Variants in ASTN1 observed in about 807,000 individuals in gnomAD.
The protein encoded by ASTN1 is astrotactin 1, also known as astrotactin-1.
A neutral mutation model predicts 140.7 loss-of-function variants in ASTN1; 41 were observed. That is an observed-to-expected ratio of 0.29 (90% CI 0.23 to 0.38). ASTN1 has a LOEUF of 0.38. Among genes scored for constraint, ASTN1 ranks in the 10% least tolerant of loss-of-function variants. The pLI, the probability that ASTN1 is intolerant of heterozygous loss-of-function variation, is 1.00. For synonymous variants in ASTN1, 640 were observed against 652.2 expected (o/e 0.98, Z 0.29); for missense variants, 1,479 against 1,678.8 (o/e 0.88, Z 2.08).
At chr1:176,931,662 C>A (rs1671209452) in intron 16 of ASTN1, among the ~76,000 whole-genome samples, 1 of 152,076 alleles carries the variant, frequency 6.6e-6, no homozygotes, top group South Asian at 2.1e-4. Flanking sequence ...CTCAGTCAGG[C>A]ATAACTAAAG....
chr1:176,991,039 C>T (rs1203994200), intron 8 of ASTN1, among the ~76,000 whole-genome samples: 1 of 152,290 alleles, frequency 6.6e-6, no homozygotes, highest in East Asian at 1.9e-4. Flanking sequence ...CATAATTAGC[C>T]TCGCTGCTCT....
At chr1:177,047,816 A>T (rs1255764747) in intron 2 of ASTN1, among the ~76,000 whole-genome samples, 1 of 152,230 alleles carries the variant, frequency 6.6e-6, no homozygotes, top group Non-Finnish European at 1.5e-5. Flanking sequence ...AAGTGGAAAC[A>T]TGGGTAATAA....
intron 21 of ASTN1, among the ~76,000 whole-genome samples, chr1:176,872,975 T>C (rs1388960219): frequency 6.6e-6 from 1 of 152,238 alleles, no homozygotes; most frequent in Non-Finnish European, 1.5e-5. Flanking sequence ...TACTAAGATA[T>C]AAGCTCCATG....
intron 8 of ASTN1, among the ~76,000 whole-genome samples, chr1:177,009,225 C>T (rs1350488206): frequency 1.3e-5 from 2 of 152,136 alleles, no homozygotes; most frequent in East Asian, 3.9e-4. Flanking sequence ...CAGGAGAAGT[C>T]AGGATTGATT....
At chr1:177,118,254 A>T (rs1026069667) in intron 1 of ASTN1, among the ~76,000 whole-genome samples, 3 of 152,200 alleles carry the variant, frequency 2.0e-5, no homozygotes, top group African/African-American at 7.2e-5. Flanking sequence ...TAGTGAATCT[A>T]GGTAATAACA....
At chr1:176,985,843 TCTACACACACAC>T (rs1673869521) in intron 8 of ASTN1, among the ~76,000 whole-genome samples, 1 of 138,160 alleles carries the variant, frequency 7.2e-6, no homozygotes, top group Non-Finnish European at 1.5e-5. Context: ...TCTCTCTCTC[TCTACACACACAC>T]ACACACACAC....
chr1:177,025,609 C>T (rs1676068247), intron 5 of ASTN1, among the ~76,000 whole-genome samples: 1 of 152,074 alleles, frequency 6.6e-6, no homozygotes, highest in African/African-American at 2.4e-5. Flanking sequence ...TTTTCTTCTG[C>T]TCTGTGTTAA....
Position 177,134,419 on chromosome 1 carries a change from G to A in ASTN1, c.283+29975C>T, listed in dbSNP as rs79434050. 6.8e-3 allele frequency among the ~76,000 whole-genome samples: 1,031 copies of A among 152,252 alleles called. 11 individuals are homozygous for A. The highest frequency in any genetic ancestry group is 0.01 in the Non-Finnish European group (692 of 68,024). Reference sequence around the variant, plus strand: ...GGAGTCCTGCCTAATGGACTACTGGGAGCAATCTCACTGGAGTGGAGAATC... The same window carrying A: ...GGAGTCCTGCCTAATGGACTACTGGAAGCAATCTCACTGGAGTGGAGAATC... On this transcript the variant is annotated intron_variant, in intron 1 of 22. Transcript: ENST00000361833.
In ASTN1 at chr1:177,076,987, C is replaced by G. The variant is rs367768122; in HGVS notation, c.284-15722G>C. Among the ~76,000 whole-genome samples, 52 of 152,270 alleles carry G rather than the reference C, an allele frequency of 3.4e-4. 1 individual carries two copies. Among genetic ancestry groups the G allele is most frequent in the East Asian group, 3.3e-3 (17 of 5,172 alleles). ...GATTGGAGTTAGAGACTTTTTCGCC[C>G]AATCTCAATTGCTTCAGTTTTCCTG... is the stretch of plus-strand genomic sequence containing the variant. On this transcript the variant is annotated intron_variant, in intron 1 of 22. Transcript: ENST00000361833.
At chr1:177,139,164 A>G (rs1472269572) in intron 1 of ASTN1, among the ~76,000 whole-genome samples, 1 of 152,210 alleles carries the variant, frequency 6.6e-6, no homozygotes, top group East Asian at 1.9e-4. Flanking sequence ...AAGGAAGACA[A>G]GGGTGCTAAA....
Position 176,863,253 on chromosome 1 carries a change from A to G in ASTN1, c.*1031T>C, listed in dbSNP as rs2103006752. On this transcript the variant is annotated 3_prime_UTR_variant, in exon 23 of 23. Transcript: ENST00000361833. ...AAGCAAATTTAGCAAGGTGGGGATG[A>G]ACAGAAGTTTTTTGTGATCAATAAT... 1 of 985,896 alleles carries G rather than the reference A, an allele frequency of 1.0e-6. No individual in the cohort carries two copies. The highest frequency in any genetic ancestry group is 1.1e-4 in the East Asian group (1 of 8,816). The allele number at this position is 985,896 out of a possible 1,614,324, so 61.1% of individuals were successfully genotyped here.
In ASTN1 at chr1:177,100,490, A is replaced by AT. The variant is rs1680247861; in HGVS notation, c.284-39226dup. On this transcript the variant is annotated intron_variant, in intron 1 of 22. Coordinates refer to ENST00000361833, the MANE Select transcript of ASTN1 (RefSeq NM_004319.3). ...CTGATACCCCAGTCCCCTGAAGCCAATTTTTTAAAGTGGGTTTTTACTGTA... is the reference window on the plus strand; with the variant it reads ...CTGATACCCCAGTCCCCTGAAGCCAATTTTTTTAAAGTGGGTTTTTACTGTA... 2.0e-5 allele frequency among the ~76,000 whole-genome samples: 3 copies of AT among 152,218 alleles called. No individual in the cohort carries two copies. The South Asian group carries it at 6.2e-4, about 32-fold the overall frequency.
At chr1:176,903,202 A>G (rs1280427469) in intron 16 of ASTN1, among the ~76,000 whole-genome samples, 1 of 152,210 alleles carries the variant, frequency 6.6e-6, no homozygotes, top group East Asian at 1.9e-4. Flanking sequence ...CTAAGCACAT[A>G]TACGTGGGGG....
At chr1:177,005,165 T>C (rs893179179) in intron 8 of ASTN1, among the ~76,000 whole-genome samples, 1 of 151,826 alleles carries the variant, frequency 6.6e-6, no homozygotes, top group African/African-American at 2.4e-5. Flanking sequence ...CATTAAAAAA[T>C]AGGCAAAGGA....
At chr1:176,929,962 C>T (rs1018164119) in intron 16 of ASTN1, among the ~76,000 whole-genome samples, 3 of 152,032 alleles carry the variant, frequency 2.0e-5, no homozygotes, top group Admixed American at 6.6e-5. Context: ...GAGCCAAGAT[C>T]GCACCACTGC....
At chr1:177,096,418 T>C (rs774814911) in intron 1 of ASTN1, among the ~76,000 whole-genome samples, 15 of 152,120 alleles carry the variant, frequency 9.9e-5, no homozygotes, top group Admixed American at 1.3e-4. Context: ...AACCCAATCA[T>C]TAATGTGATG....
At chr1:176,896,706 T>TTATG (rs1669521181) in intron 16 of ASTN1, among the ~76,000 whole-genome samples, 1 of 152,138 alleles carries the variant, frequency 6.6e-6, no homozygotes, top group Non-Finnish European at 1.5e-5. Context: ...CTGCACCCCA[T>TTATG]AAGAGAGAAC....
chr1:176,927,776 T>G (rs1421362792), intron 16 of ASTN1, among the ~76,000 whole-genome samples: 1 of 152,226 alleles, frequency 6.6e-6, no homozygotes, highest in Admixed American at 6.5e-5. Context: ...AAAAGTATGT[T>G]TTCCTTTGTT....
At chr1:177,076,357 G>A (rs113011765) in intron 1 of ASTN1, among the ~76,000 whole-genome samples, 236 of 151,350 alleles carry the variant, frequency 1.6e-3, no homozygotes, top group African/African-American at 5.2e-3. Context: ...ACCATGCACC[G>A]TCCTCACAGA....
Sources: gnomAD v4.1 joint callset for allele counts (sites outside exome capture counted in the v4.1 genomes callset) on GRCh38, gnomAD v4.1.1 for gene constraint, MANE v1.5 for transcripts, NCBI Gene and HGNC (gene_info 2026-07-23, HGNC 2026-07-21) for gene names.